The following IL22RA1 variants were observed in gnomAD, a reference collection of about 807,000 sequenced individuals.
The protein encoded by IL22RA1 is interleukin 22 receptor subunit alpha 1.
Under a neutral mutation model 32.8 loss-of-function variants are expected in IL22RA1, and 25 were observed. The observed-to-expected ratio is 0.76, with a 90% CI of 0.55 to 1.06. The LOEUF is 1.06. Among genes scored for constraint, IL22RA1 ranks in the 50% least tolerant of loss-of-function variants. The pLI, the probability that IL22RA1 is intolerant of heterozygous loss-of-function variation, is 0.00. For synonymous variants in IL22RA1, 305 were observed against 305.0 expected, an observed-to-expected ratio of 1.00 and a Z score of 0.00; for missense variants, 709 against 727.4, an observed-to-expected ratio of 0.97 and a Z score of 0.29.
chr1:24,126,694 G>A (rs1368557006), intron 5 of IL22RA1, among the ~76,000 whole-genome samples: 1 of 152,158 alleles, frequency 6.6e-6, no homozygotes, highest in African/African-American at 2.4e-5. Flanking sequence ...AGTGGAGACT[G>A]TTTTACCAAA....
Position 24,142,961 on chromosome 1 carries a change from G to A in IL22RA1, c.43+79C>T. 3 of 1,355,962 alleles carry A rather than the reference G, an allele frequency of 2.2e-6. No homozygotes were observed. In the Admixed American group the frequency reaches 5.6e-5, roughly 25 times the overall value. 84.0% of individuals were successfully genotyped at this position (1,355,962 alleles called of 1,614,324 possible). On this transcript the variant is annotated intron_variant, in intron 1 of 6. Coordinates refer to ENST00000270800, the MANE Select transcript of IL22RA1 (RefSeq NM_021258.4). ...CTGAAACTGGCTATGCTCGGGCTGG[G>A]GAGGGTGCTGGGGAGATGACCCTGA... is the stretch of plus-strand genomic sequence containing the variant.
In IL22RA1 at chr1:24,120,473, G is replaced by C. The variant is rs114619554; in HGVS notation, c.*332C>G. The C allele has an allele frequency of 3.3e-3, 815 of 247,432 alleles. 8 individuals are homozygous for C. The highest frequency in any genetic ancestry group is 0.015 in the Middle Eastern group (12 of 788). The allele number at this position is 247,432 out of a possible 1,614,324, so 15.3% of individuals were successfully genotyped here. ...AATTCCCTGAGCACTTTGAATCCATGGTGTTAGGAGGTGGGGCTCTGGACC... is the reference window on the plus strand; with the variant it reads ...AATTCCCTGAGCACTTTGAATCCATCGTGTTAGGAGGTGGGGCTCTGGACC... On this transcript the variant is annotated 3_prime_UTR_variant, in exon 7 of 7. Coordinates refer to ENST00000270800, the MANE Select transcript of IL22RA1 (RefSeq NM_021258.4).
intron 5 of IL22RA1, among the ~76,000 whole-genome samples, chr1:24,124,495 A>G (rs2148570291): frequency 6.6e-6 from 1 of 152,160 alleles, no homozygotes; most frequent in East Asian, 1.9e-4. Context: ...CTTGTGAAGG[A>G]CTTATGGAGG....
At chr1:24,140,793 G>A (rs1277495129) in intron 1 of IL22RA1, among the ~76,000 whole-genome samples, 2 of 152,264 alleles carry the variant, frequency 1.3e-5, no homozygotes, top group Non-Finnish European at 2.9e-5. Flanking sequence ...GCCGGCTGGC[G>A]TGGGAAATAA....
At chr1:24,137,436 C>G in intron 2 of IL22RA1, 127 bp from the exon 3 acceptor site, 1 of 716,442 alleles carries the variant, frequency 1.4e-6, no homozygotes, top group African/African-American at 1.8e-5. Flanking sequence ...GCCCTTTATG[C>G]GAATGATCTC....
At chr1:24,125,806 T>C (rs941540064) in intron 5 of IL22RA1, among the ~76,000 whole-genome samples, 1 of 152,198 alleles carries the variant, frequency 6.6e-6, no homozygotes, top group Non-Finnish European at 1.5e-5. Flanking sequence ...TTAAATAATA[T>C]ATGTAAAGCA....
Position 24,134,329 on chromosome 1 carries a change from A to G in IL22RA1, c.413T>C (p.Ile138Thr), listed in dbSNP as rs190183581. 19 of 1,601,372 alleles carry G rather than the reference A, an allele frequency of 1.2e-5. No individual in the cohort carries two copies. In the East Asian group the frequency reaches 3.9e-4, roughly 32 times the overall value. Residue 138 changes from isoleucine to threonine, a missense_variant, in exon 4 of 7, where the codon ATT becomes ACT. Ile to Thr is a moderately conservative substitution (Grantham distance 89). Coordinates refer to ENST00000270800, the MANE Select transcript of IL22RA1 (RefSeq NM_021258.4). ...CISKVRSIQM[I>T]VHPTPTPIRA... is the part of the protein sequence containing the mutation. ...GATTGGCGTGGGGGTAGGATGAACAATCATCTGAATCGATCTCACTTTGGA... is the reference window on the plus strand; with the variant it reads ...GATTGGCGTGGGGGTAGGATGAACAGTCATCTGAATCGATCTCACTTTGGA...
At chr1:24,122,418 C>T (rs1644131447) in intron 6 of IL22RA1, among the ~76,000 whole-genome samples, 1 of 151,932 alleles carries the variant, frequency 6.6e-6, no homozygotes, top group African/African-American at 2.4e-5. Context: ...GGGGGTGGTT[C>T]TGGTCTTCAC....
At chr1:24,127,609 G>A (rs143747919) in intron 5 of IL22RA1, among the ~76,000 whole-genome samples, 115 of 152,216 alleles carry the variant, frequency 7.6e-4, no homozygotes, top group African/African-American at 2.6e-3. Flanking sequence ...CACTGTGCCC[G>A]GCCATGGGCA....
intron 5 of IL22RA1, among the ~76,000 whole-genome samples, chr1:24,123,732 A>G (rs1481855009): frequency 6.6e-6 from 1 of 152,206 alleles, no homozygotes; most frequent in East Asian, 1.9e-4. Flanking sequence ...TTCTCTAGGT[A>G]CTGTGCTGAA....
intron 4 of IL22RA1, among the ~76,000 whole-genome samples, chr1:24,132,498 A>T (rs1644213047): frequency 6.6e-6 from 1 of 151,460 alleles, no homozygotes; most frequent in Admixed American, 6.6e-5. Flanking sequence ...TGCCCGGCTA[A>T]TTTTTTGTAT....
chr1:24,138,804 A>G (rs1644260967), intron 1 of IL22RA1, 90 bp from the exon 2 acceptor site: 1 of 1,474,672 alleles, frequency 6.8e-7, no homozygotes, highest in Admixed American at 2.1e-5. Flanking sequence ...CCCCATATAA[A>G]TTTCATGCAA....
Position 24,134,400 on chromosome 1 carries a change from GAGAGAAA to G in IL22RA1, c.356-21_356-15del. On this transcript the variant is annotated splice_polypyrimidine_tract_variant and intron_variant, in intron 3 of 6. Transcript: ENST00000270800. ...GCTTGAGGGTAGCTGGGGATAGGGA[GAGAGAAA>G]AGAGAAAAGAAAAAGTCAGAATCGG... 6.9e-7 allele frequency: 1 copy of G among 1,456,898 alleles called. No individual in the cohort carries two copies. The highest frequency in any genetic ancestry group is 9.1e-7 in the Non-Finnish European group (1 of 1,097,044). The allele number at this position is 1,456,898 out of a possible 1,614,324, so 90.2% of individuals were successfully genotyped here. A position where few individuals can be genotyped will look rare whatever the true frequency, so the allele number is the denominator to read the frequency against.
At chr1:24,142,298 C>T (rs866967577) in intron 1 of IL22RA1, among the ~76,000 whole-genome samples, 11 of 152,218 alleles carry the variant, frequency 7.2e-5, no homozygotes, top group Non-Finnish European at 1.3e-4. Flanking sequence ...TGCTCGCCAT[C>T]CTCAATCAGG....
At chr1:24,125,608 T>A (rs1425248441) in intron 5 of IL22RA1, among the ~76,000 whole-genome samples, 1 of 152,056 alleles carries the variant, frequency 6.6e-6, no homozygotes, top group Non-Finnish European at 1.5e-5. Flanking sequence ...AGTTGCAAAG[T>A]GGTGGGTAGA....
chr1:24,130,781 T>C (rs1644198912), intron 4 of IL22RA1, among the ~76,000 whole-genome samples: 1 of 152,216 alleles, frequency 6.6e-6, no homozygotes, highest in Admixed American at 6.5e-5. Flanking sequence ...CTCAGCTCAC[T>C]GCAACCTCCG....
chr1:24,142,693 C>A (rs896528185), intron 1 of IL22RA1, among the ~76,000 whole-genome samples: 3 of 152,184 alleles, frequency 2.0e-5, no homozygotes, highest in African/African-American at 7.2e-5. Context: ...CAAACTGTGC[C>A]GACACCGTTT....
intron 4 of IL22RA1, among the ~76,000 whole-genome samples, chr1:24,129,187 C>G (rs944740489): frequency 6.6e-6 from 1 of 152,182 alleles, no homozygotes; most frequent in Admixed American, 6.5e-5. Flanking sequence ...ACTGGTCTTT[C>G]GCTGGTTTTA....
intron 5 of IL22RA1, among the ~76,000 whole-genome samples, chr1:24,124,798 G>A (rs1408053848): frequency 6.6e-6 from 1 of 152,060 alleles, no homozygotes; most frequent in Non-Finnish European, 1.5e-5. Flanking sequence ...CCTGTCTCCT[G>A]TCACATGTTA....
Sources: gnomAD v4.1 joint callset for allele counts (sites outside exome capture counted in the v4.1 genomes callset) on GRCh38, gnomAD v4.1.1 for gene constraint, MANE v1.5 for transcripts, NCBI Gene and HGNC (gene_info 2026-07-23, HGNC 2026-07-21) for gene names.